The following ZNF98 variants were observed in gnomAD, a reference collection of about 807,000 sequenced individuals.
ZNF98 encodes the protein zinc finger protein 98.
Under a neutral mutation model 12.8 loss-of-function variants are expected in ZNF98, and 8 were observed. The ratio of observed to expected loss-of-function variants is 0.63; its 90% confidence interval spans 0.37 to 1.13. The LOEUF (loss-of-function observed/expected upper bound fraction) is 1.13, where lower values mean the gene tolerates loss of function less well. Ranked by LOEUF, ZNF98 falls within the 50% of genes most tolerant of loss-of-function variation. ZNF98 has a pLI of 0.01. For missense variants in ZNF98, 379 were observed against 666.1 expected (o/e 0.57, Z 4.74); for synonymous variants, 112 against 223.5 (o/e 0.50, Z 4.45).
chr19:22,406,529 A>T (rs575079273), intron 1 of ZNF98, among the ~76,000 whole-genome samples: 2 of 152,330 alleles, frequency 1.3e-5, no homozygotes, highest in Admixed American at 6.5e-5. Flanking sequence ...AATGAAAAAA[A>T]CGCTGAAGCC....
At position 22,392,867 on chromosome 19, in the gene ZNF98, C is replaced by A; in HGVS notation, c.368G>T (p.Arg123Ile). ...CTCATCCATGCTTTTACAGTATTTTCTTAACTGTAAATTTTCACGTCCACA... is the reference window on the plus strand; with the variant it reads ...CTCATCCATGCTTTTACAGTATTTTATTAACTGTAAATTTTCACGTCCACA... ...KKCGRENLQL[R>I]KYCKSMDECK... Residue 123 changes from arginine (R) to isoleucine (I), a missense_variant, in exon 4 of 4, where the codon AGA (arginine) becomes ATA (isoleucine). Arg to Ile is a moderately conservative substitution (Grantham distance 97, BLOSUM62 -3). Transcript: ENST00000357774. 2 of 1,608,418 alleles carry A rather than the reference C, an allele frequency of 1.2e-6. No individual in the cohort carries two copies. Among genetic ancestry groups the A allele is most frequent in the Middle Eastern group, 1.7e-4 (1 of 6,036 alleles).
chr19:22,410,876 C>G (rs1969573401), intron 1 of ZNF98, among the ~76,000 whole-genome samples: 1 of 152,104 alleles, frequency 6.6e-6, no homozygotes, highest in African/African-American at 2.4e-5. Flanking sequence ...AGAGCAGGCA[C>G]AGCACAGAGT....
rs187999307 is a variant in ZNF98, at chr19:22,419,745, T to C, written c.30+2450A>G. Among the ~76,000 whole-genome samples, 1,135 of 152,270 alleles carry C rather than the reference T, an allele frequency of 7.5e-3. 14 individuals carry two copies. The highest frequency in any genetic ancestry group is 0.026 in the African/African-American group (1,064 of 41,558). On this transcript the variant is annotated intron_variant, in intron 1 of 3. Transcript: ENST00000357774. ...AAACAATTAGTCATATGGGACCATT[T>C]CTAGGAGGTACCAAGTTTTATCTCA...
At chr19:22,396,417 TAAAAG>T (rs1969395056) in intron 3 of ZNF98, among the ~76,000 whole-genome samples, 1 of 151,752 alleles carries the variant, frequency 6.6e-6, no homozygotes, top group Non-Finnish European at 1.5e-5. Flanking sequence ...TAGAAATAAG[TAAAAG>T]CATATCAATA....
At chr19:22,394,827 C>G (rs1969371952) in intron 3 of ZNF98, among the ~76,000 whole-genome samples, 1 of 152,018 alleles carries the variant, frequency 6.6e-6, no homozygotes, top group Non-Finnish European at 1.5e-5. Flanking sequence ...GTAAGTTTTA[C>G]AGCAGCAGAA....
intron 1 of ZNF98, among the ~76,000 whole-genome samples, chr19:22,414,251 A>AG (rs916701562): frequency 1.3e-5 from 2 of 150,082 alleles, no homozygotes; most frequent in African/African-American, 4.9e-5. Context: ...AAAAAAAAAA[A>AG]AAAAAGAAAG....
chr19:22,409,349 C>A (rs190799157), intron 1 of ZNF98, among the ~76,000 whole-genome samples: 118 of 152,144 alleles, frequency 7.8e-4, no homozygotes, highest in East Asian at 2.9e-3. Flanking sequence ...AGAAGAAAAC[C>A]TAGGCAATAC....
At chr19:22,407,400 ATT>A (rs113043868) in intron 1 of ZNF98, among the ~76,000 whole-genome samples, 13 of 139,946 alleles carry the variant, frequency 9.3e-5, no homozygotes, top group South Asian at 5.0e-4. Flanking sequence ...GAATTCACTG[ATT>A]TTTTTTTTTT....
intron 3 of ZNF98, among the ~76,000 whole-genome samples, chr19:22,396,233 A>C (rs959111955): frequency 6.6e-6 from 1 of 152,172 alleles, no homozygotes; most frequent in Non-Finnish European, 1.5e-5. Flanking sequence ...GTAAAAACAT[A>C]ATTAGCAACA....
At chr19:22,405,170 GA>G (rs1254172028) in intron 1 of ZNF98, among the ~76,000 whole-genome samples, 1 of 146,540 alleles carries the variant, frequency 6.8e-6, no homozygotes, top group Non-Finnish European at 1.5e-5. Context: ...TCATTAGGAA[GA>G]AAAAGCACAT....
In ZNF98 at chr19:22,416,559, T is replaced by C. The variant is rs569901799; in HGVS notation, c.30+5636A>G. ...GGGAGGCTGAGGCGGGTGGATCACC[T>C]GAGGTCAGGAGTTCAAGACCCTGTC... On this transcript the variant is annotated intron_variant, in intron 1 of 3. Coordinates refer to ENST00000357774, the MANE Select transcript of ZNF98 (RefSeq NM_001098626.2). Among the ~76,000 whole-genome samples, 4 of 151,962 alleles carry C rather than the reference T, an allele frequency of 2.6e-5. No individual in the cohort carries two copies. The East Asian group carries it at 7.8e-4, about 30-fold the overall frequency.
At chr19:22,397,212 T>TTTGTGTGTGTGTGTGTGTGTG (rs368992859) in intron 3 of ZNF98, among the ~76,000 whole-genome samples, 10 of 145,218 alleles carry the variant, frequency 6.9e-5, no homozygotes, top group African/African-American at 2.6e-4. Context: ...GTGTGTGTTT[T>TTTGTGTGTGTGTGTGTGTGTG]TGTGTGTGTG....
At chr19:22,421,018 G>A (rs1969697919) in intron 1 of ZNF98, among the ~76,000 whole-genome samples, 1 of 151,296 alleles carries the variant, frequency 6.6e-6, no homozygotes, top group South Asian at 2.1e-4. Context: ...TTACAATACA[G>A]TGTTTATAAA....
rs547725535 is a variant in ZNF98, at chr19:22,396,547, T to A, written c.254-3566A>T. On this transcript the variant is annotated intron_variant, in intron 3 of 3. Coordinates refer to ENST00000357774, the MANE Select transcript of ZNF98 (RefSeq NM_001098626.2). ...TCAGACAGTTATTTAAATGTATATA[T>A]AAAATTAACTTTTAAATCAAGAGAC... Among the ~76,000 whole-genome samples the A allele has an allele frequency of 2.6e-5, 4 of 152,288 alleles. No individual in the cohort carries two copies. The East Asian group carries it at 7.7e-4, about 29-fold the overall frequency.
chr19:22,411,566 A>G (rs1969580662), intron 1 of ZNF98, among the ~76,000 whole-genome samples: 1 of 152,240 alleles, frequency 6.6e-6, no homozygotes, highest in Admixed American at 6.5e-5. Flanking sequence ...TTGCCAAAGC[A>G]AAAACAAAGC....
intron 1 of ZNF98, among the ~76,000 whole-genome samples, chr19:22,405,843 C>T (rs755521304): frequency 4.6e-5 from 7 of 152,194 alleles, no homozygotes; most frequent in Admixed American, 6.5e-5. Flanking sequence ...CCCAACACAC[C>T]GGCTGTGCCA....
At chr19:22,415,206 T>C (rs1488890659) in intron 1 of ZNF98, among the ~76,000 whole-genome samples, 1 of 152,100 alleles carries the variant, frequency 6.6e-6, no homozygotes, top group African/African-American at 2.4e-5. Context: ...GAATGGCTAG[T>C]ATTAGTCAAA....
intron 3 of ZNF98, among the ~76,000 whole-genome samples, chr19:22,396,381 T>C (rs1207545971): frequency 7.7e-6 from 1 of 129,412 alleles, no homozygotes; most frequent in Non-Finnish European, 1.7e-5. Context: ...CAAAAAAAAA[T>C]TCTGTACAAA....
chr19:22,407,134 G>C (rs1969528500), intron 1 of ZNF98, among the ~76,000 whole-genome samples: 1 of 151,780 alleles, frequency 6.6e-6, no homozygotes, highest in South Asian at 2.1e-4. Flanking sequence ...TTGGCTCACT[G>C]CAACCTCCGC....
Sources: gnomAD v4.1 joint callset for allele counts (sites outside exome capture counted in the v4.1 genomes callset) on GRCh38, gnomAD v4.1.1 for gene constraint, MANE v1.5 for transcripts, NCBI Gene and HGNC (gene_info 2026-07-23, HGNC 2026-07-21) for gene names.